Variants in NDUFB10 observed in about 807,000 individuals in gnomAD.
NDUFB10 encodes NADH dehydrogenase [ubiquinone] 1 beta subcomplex subunit 10.
NDUFB10 carries 23 observed loss-of-function variants against 19.0 expected under a neutral mutation model. The observed-to-expected ratio is 1.21, with a 90% CI of 0.87 to 1.71. The LOEUF (loss-of-function observed/expected upper bound fraction) is 1.71, where lower values mean the gene tolerates loss of function less well. NDUFB10 is among the 40% of genes most tolerant of loss of function. The pLI, the probability that NDUFB10 is intolerant of heterozygous loss-of-function variation, is 0.00. For missense variants in NDUFB10, 312 were observed against 230.6 expected (o/e 1.35, Z -2.29); for synonymous variants, 104 against 81.8 (o/e 1.27, Z -1.46).
intron 1 of NDUFB10, 122 bp from the exon 2 acceptor site, chr16:1,961,031 C>T (rs958035822): frequency 7.9e-7 from 1 of 1,259,472 alleles, no homozygotes; most frequent in Non-Finnish European, 1.1e-6. Flanking sequence ...TTGCTGTTTT[C>T]TAAACGCTGG....
chr16:1,961,355 G>A (rs761902315), intron 2 of NDUFB10, 64 bp downstream of exon 2: 6 of 1,606,022 alleles, frequency 3.7e-6, no homozygotes, highest in Non-Finnish European at 5.1e-6. Context: ...CTAGTCCCTG[G>A]GATGCCACAG....
chr16:1,960,127 T>C (rs1032401957), intron 1 of NDUFB10, among the ~76,000 whole-genome samples: 1 of 151,928 alleles, frequency 6.6e-6, no homozygotes, highest in Non-Finnish European at 1.5e-5. Flanking sequence ...CTCTCAAATG[T>C]CTCTCTGCCG....
chr16:1,961,212 C>T lies in NDUFB10; in HGVS notation c.190C>T (p.Arg64Cys), dbSNP rs771149280. ...RYYYYHRQYR[R>C]VPDITECKEE... ...TTACTACTACCACCGGCAGTACCGC[C>T]GCGTGCCAGACATCACTGAGTGCAA... The change falls in exon 2 of 4, where the codon CGC (arginine) becomes TGC (cysteine). Residue 64 changes from arginine to cysteine, a missense_variant. Arg to Cys is a radical substitution (Grantham distance 180, BLOSUM62 -3). Coordinates refer to ENST00000268668, the MANE Select transcript of NDUFB10 (RefSeq NM_004548.3). 5.0e-6 allele frequency: 8 copies of T among 1,613,994 alleles called. No individual in the cohort carries two copies. Among genetic ancestry groups the T allele is most frequent in the East Asian group, 2.2e-5 (1 of 44,894 alleles).
At chr16:1,960,458 G>A (rs755665525) in intron 1 of NDUFB10, among the ~76,000 whole-genome samples, 2 of 152,180 alleles carry the variant, frequency 1.3e-5, no homozygotes, top group African/African-American at 2.4e-5. Context: ...CCTGACCTCA[G>A]GTGATCCTCC....
rs74903026 is a variant in NDUFB10, at chr16:1,961,924, C to G, written c.*18C>G. On this transcript the variant is annotated 3_prime_UTR_variant, in exon 4 of 4. Transcript: ENST00000268668. ...CCTCCTGAGGCAGCTGTGGGTGCCC[C>G]TGCTGTGTGGCTCTGTATGACTGTT... is the stretch of plus-strand genomic sequence containing the variant. 1 of 1,549,132 alleles carries G rather than the reference C, an allele frequency of 6.5e-7. No individual in the cohort carries two copies. The highest frequency in any genetic ancestry group is 1.7e-4 in the Middle Eastern group (1 of 5,992).
chr16:1,960,149 G>A (rs2083243873), intron 1 of NDUFB10, among the ~76,000 whole-genome samples: 1 of 151,906 alleles, frequency 6.6e-6, no homozygotes. Context: ...ATGACCAAGT[G>A]TCGGGGTGAT....
At chr16:1,961,346 T>TG (rs2083253375) in intron 2 of NDUFB10, 55 bp downstream of exon 2, 1 of 1,607,304 alleles carries the variant, frequency 6.2e-7, no homozygotes, top group Non-Finnish European at 8.5e-7. Flanking sequence ...GCTGGGACAC[T>TG]AGTCCCTGGG....
rs2083240340 is a variant in NDUFB10 at position 1,959,631 on chromosome 16, G to C, written c.7G>C (p.Asp3His). The C allele has an allele frequency of 1.9e-6, 3 of 1,609,062 alleles. No homozygotes were observed. Among genetic ancestry groups the C allele is most frequent in the African/African-American group, 2.7e-5 (2 of 74,670 alleles). The change falls in exon 1 of 4, where the codon GAC (aspartate) becomes CAC (histidine). Residue 3 changes from aspartate (D) to histidine (H), a missense_variant. Asp to His is a moderately conservative substitution (Grantham distance 81, BLOSUM62 -1). Transcript: ENST00000268668. Reference protein sequence around the residue: MPDSWDKDVYPEP... With the variant: MPHSWDKDVYPEP... ...GTCCGCGCCCGCCGCCGCCATGCCG[G>C]ACAGCTGGGACAAGGATGTGTACCC...
chr16:1,961,214 C>T lies in NDUFB10; in HGVS notation c.192C>T (p.Arg64=), dbSNP rs759606709. The T allele has an allele frequency of 2.0e-5, 33 of 1,614,018 alleles. 1 individual carries two copies. The highest frequency in any genetic ancestry group is 3.3e-4 in the Middle Eastern group (2 of 6,084). ...RYYYYHRQYR[R]VPDITECKEE... ...ACTACTACCACCGGCAGTACCGCCG[C>T]GTGCCAGACATCACTGAGTGCAAGG... Residue 64 remains arginine (R), a synonymous_variant, in exon 2 of 4, where the codon CGC becomes CGT. Transcript: ENST00000268668.
At position 1,961,904 on chromosome 16, in the gene NDUFB10, T is replaced by G. The variant is rs1262832454; in HGVS notation, c.517T>G (p.Ter173GlyextTer16). The G allele has an allele frequency of 9.6e-6, 15 of 1,557,438 alleles. No individual in the cohort carries two copies. The highest frequency in any genetic ancestry group is 1.2e-5 in the Non-Finnish European group (14 of 1,149,860). The change falls in exon 4 of 4, where the codon TGA (stop) becomes GGA (glycine). Residue 173 changes from the stop codon to glycine (G), a stop_lost. Coordinates refer to ENST00000268668, the MANE Select transcript of NDUFB10 (RefSeq NM_004548.3). ...AAAAGAGGCCGCCGCTGCCACCTCC[T>G]GAGGCAGCTGTGGGTGCCCCTGCTG... is the stretch of plus-strand genomic sequence containing the variant. ...AAKEAAAATS* is the reference protein window; with the variant it reads ...AAKEAAAATSG
Position 1,961,643 on chromosome 16 carries a change from G to GGGGGCCC in NDUFB10, c.409+7_409+8insGGGGCCC. On this transcript the variant is annotated splice_region_variant and intron_variant, in intron 3 of 3. Coordinates refer to ENST00000268668, the MANE Select transcript of NDUFB10 (RefSeq NM_004548.3). Reference sequence around the variant, plus strand: ...AAGGCCTACCAGGACCGCTGTGCGTGCCCCACCCACCCCCAACCCCCCACC... The same window carrying GGGGGCCC: ...AAGGCCTACCAGGACCGCTGTGCGTGGGGGCCCCCCCACCCACCCCCAACCCCCCACC... 6.5e-7 allele frequency: 1 copy of GGGGGCCC among 1,547,222 alleles called. No homozygotes were observed.
In NDUFB10 at chr16:1,961,602, G is replaced by A. The variant is rs1346528153; in HGVS notation, c.375G>A (p.Gln125=). 1 of 1,613,798 alleles carries A rather than the reference G, an allele frequency of 6.2e-7. No individual in the cohort carries two copies. The highest frequency in any genetic ancestry group is 1.3e-5 in the African/African-American group (1 of 74,934). Residue 125 remains glutamine (Q), a synonymous_variant, in exon 3 of 4, where the codon CAG becomes CAA. Transcript: ENST00000268668. ...AGAACTGTATCAAGGAAGTGGAGCA[G>A]TTCACCCAGGTGGCCAAGGCCTACC... The part of the protein sequence containing the change: ...YQQNCIKEVE[Q]FTQVAKAYQD...
rs2083251811 is a variant in NDUFB10, at chr16:1,961,196, C to T, written c.174C>T (p.Tyr58=). The T allele has an allele frequency of 6.2e-7, 1 of 1,614,118 alleles. No individual in the cohort carries two copies. The highest frequency in any genetic ancestry group is 8.5e-7 in the Non-Finnish European group (1 of 1,180,030). ...ACGCAAAGAACAGGTATTACTACTA[C>T]CACCGGCAGTACCGCCGCGTGCCAG... ...RQHAKNRYYY[Y]HRQYRRVPDI... Residue 58 remains tyrosine, a synonymous_variant, in exon 2 of 4, where the codon TAC becomes TAT. Coordinates refer to ENST00000268668, the MANE Select transcript of NDUFB10 (RefSeq NM_004548.3).
chr16:1,961,711 C>T (rs533369303), intron 3 of NDUFB10, 75 bp downstream of exon 3: 420 of 1,525,700 alleles, frequency 2.8e-4, no homozygotes, highest in African/African-American at 2.0e-3. Context: ...CAAATCTTCC[C>T]TCCCCTCCCT....
chr16:1,961,439 C>T, intron 2 of NDUFB10, 58 bp from the exon 3 acceptor site: 3 of 1,602,538 alleles, frequency 1.9e-6, no homozygotes, highest in Non-Finnish European at 2.6e-6. Flanking sequence ...ATTGTTCTCA[C>T]AGGGTACAGG....
intron 1 of NDUFB10, 114 bp from the exon 2 acceptor site, chr16:1,961,039 T>C: frequency 7.6e-7 from 1 of 1,318,204 alleles, no homozygotes; most frequent in Non-Finnish European, 1.0e-6. Context: ...TTCTAAACGC[T>C]GGAACACTCA....
intron 1 of NDUFB10, 44 bp downstream of exon 1, chr16:1,959,798 C>T: frequency 1.2e-6 from 2 of 1,607,896 alleles, no homozygotes; most frequent in Non-Finnish European, 1.7e-6. Flanking sequence ...CCTCTGGGGA[C>T]CCCTGGATCC....
At chr16:1,961,717 T>A (rs1167614565) in intron 3 of NDUFB10, 80 bp from the exon 4 acceptor site, 2 of 1,204,856 alleles carry the variant, frequency 1.7e-6, no homozygotes, top group South Asian at 1.3e-5. Context: ...TTCCCTCCCC[T>A]CCCTTGTGCT....
intron 1 of NDUFB10, among the ~76,000 whole-genome samples, chr16:1,960,587 A>G (rs1432954845): frequency 6.6e-6 from 1 of 152,166 alleles, no homozygotes; most frequent in Non-Finnish European, 1.5e-5. Context: ...TAAGAGGGTG[A>G]AGTCTCCAAA....
Sources: gnomAD v4.1 joint callset for allele counts (sites outside exome capture counted in the v4.1 genomes callset) on GRCh38, gnomAD v4.1.1 for gene constraint, MANE v1.5 for transcripts, NCBI Gene and HGNC (gene_info 2026-07-23, HGNC 2026-07-21) for gene names.